Variants in FAM117B observed in about 807,000 individuals in gnomAD.
FAM117B encodes family with sequence similarity 117 member B.
Under a neutral mutation model 52.8 loss-of-function variants are expected in FAM117B, and 22 were observed. The ratio of observed to expected loss-of-function variants is 0.42; its 90% CI spans 0.30 to 0.59. FAM117B has a LOEUF of 0.59. Among genes scored for constraint, FAM117B ranks in the 20% least tolerant of loss-of-function variants. The probability of loss-of-function intolerance (pLI) is 0.22; values close to 1 mark genes in which losing one functional copy is unlikely to be tolerated. For synonymous variants in FAM117B, 309 were observed against 324.1 expected, an observed-to-expected ratio of 0.95 and a Z score of 0.50; for missense variants, 678 against 802.6, an observed-to-expected ratio of 0.84 and a Z score of 1.88.
intron 4 of FAM117B, among the ~76,000 whole-genome samples, chr2:202,744,112 CAA>C (rs1400126771): frequency 6.6e-5 from 10 of 152,188 alleles, no homozygotes; most frequent in East Asian, 1.9e-4. Context: ...ATTCCAAAAA[CAA>C]GAGAGAAGTG....
At chr2:202,755,476 G>T (rs937860095) in intron 4 of FAM117B, 62 bp from the exon 5 acceptor site, 2 of 1,567,594 alleles carry the variant, frequency 1.3e-6, no homozygotes, top group Non-Finnish European at 1.7e-6. Flanking sequence ...TTGGAATTAC[G>T]CTTCAGCCTA....
chr2:202,738,767 G>C (rs890760635), intron 4 of FAM117B, among the ~76,000 whole-genome samples: 1 of 152,178 alleles, frequency 6.6e-6, no homozygotes, highest in African/African-American at 2.4e-5. Flanking sequence ...TATTTTTATA[G>C]AGAGAGCTTT....
At chr2:202,681,180 G>C (rs1282190971) in intron 1 of FAM117B, among the ~76,000 whole-genome samples, 1 of 151,940 alleles carries the variant, frequency 6.6e-6, no homozygotes, top group Non-Finnish European at 1.5e-5. Flanking sequence ...TAAACAAAAA[G>C]TAAAAGAAAT....
intron 2 of FAM117B, among the ~76,000 whole-genome samples, chr2:202,696,961 TGGGAGGCTGA>T (rs1690720728): frequency 6.6e-6 from 1 of 152,076 alleles, no homozygotes; most frequent in Admixed American, 6.6e-5. Context: ...ACCAGCTACT[TGGGAGGCTGA>T]GGCAGGAGAA....
At chr2:202,750,386 G>T (rs958008458) in intron 4 of FAM117B, among the ~76,000 whole-genome samples, 16 of 152,274 alleles carry the variant, frequency 1.1e-4, no homozygotes, top group African/African-American at 3.6e-4. Context: ...GGTGGCATGT[G>T]CCTGTAATCC....
chr2:202,664,937 T>C (rs148696124), intron 1 of FAM117B, among the ~76,000 whole-genome samples: 1 of 152,170 alleles, frequency 6.6e-6, no homozygotes, highest in South Asian at 2.1e-4. Context: ...GGGAGGAGGC[T>C]CCACTGTGTT....
intron 6 of FAM117B, among the ~76,000 whole-genome samples, chr2:202,757,663 T>C (rs1352192785): frequency 2.6e-5 from 4 of 152,256 alleles, no homozygotes; most frequent in African/African-American, 7.2e-5. Context: ...GCTCTTTTTT[T>C]GCACTTGTTA....
chr2:202,729,053 G>T (rs543771967), intron 4 of FAM117B, among the ~76,000 whole-genome samples: 2 of 152,226 alleles, frequency 1.3e-5, no homozygotes, highest in South Asian at 4.1e-4. Context: ...TGAAACTCAC[G>T]CTGGCCGGGC....
At chr2:202,640,288 AC>A (rs1689748201) in intron 1 of FAM117B, among the ~76,000 whole-genome samples, 1 of 110,808 alleles carries the variant, frequency 9.0e-6, no homozygotes, top group Non-Finnish European at 1.8e-5. Context: ...CACCACCACC[AC>A]CACAAAATAT....
chr2:202,674,281 C>A (rs1380599871), intron 1 of FAM117B, among the ~76,000 whole-genome samples: 2 of 152,158 alleles, frequency 1.3e-5, no homozygotes, highest in African/African-American at 4.8e-5. Flanking sequence ...CTCCTGGTTG[C>A]CTAAGCCTGA....
chr2:202,715,570 C>T (rs1279898224), intron 2 of FAM117B, among the ~76,000 whole-genome samples: 2 of 151,342 alleles, frequency 1.3e-5, no homozygotes, highest in Non-Finnish European at 2.9e-5. Context: ...TGATGGTGGC[C>T]GGGAAGAGGC....
intron 4 of FAM117B, among the ~76,000 whole-genome samples, chr2:202,741,738 G>A (rs547270149): frequency 7.5e-4 from 114 of 152,018 alleles, no homozygotes; most frequent in Non-Finnish European, 1.5e-3. Context: ...GGGTTTCACC[G>A]TGTTAGCCAG....
rs548334233 is a variant in FAM117B at position 202,754,819 on chromosome 2, G to C, written c.961-719G>C. On this transcript the variant is annotated intron_variant, in intron 4 of 7. Coordinates refer to ENST00000392238, the MANE Select transcript of FAM117B (RefSeq NM_173511.4). ...GCAGAAGAGTCGCTTGAACATGGGA[G>C]GTAGAGGTTGCAGTGAGCCGAGATC... Among the ~76,000 whole-genome samples the C allele has an allele frequency of 1.5e-3, 215 of 142,816 alleles. 1 individual carries two copies. The highest frequency in any genetic ancestry group is 5.3e-3 in the African/African-American group (207 of 39,124). 93.7% of individuals were successfully genotyped at this position (142,816 alleles called of 152,430 possible). A position where few individuals can be genotyped will look rare whatever the true frequency, so the allele number is the denominator to read the frequency against.
intron 1 of FAM117B, among the ~76,000 whole-genome samples, chr2:202,657,161 C>G (rs1293710084): frequency 6.6e-6 from 1 of 152,036 alleles, no homozygotes; most frequent in African/African-American, 2.4e-5. Flanking sequence ...GATCTTGGCT[C>G]ACTGCAACCT....
chr2:202,764,929 T>A (rs575881152), intron 7 of FAM117B, among the ~76,000 whole-genome samples: 6 of 152,334 alleles, frequency 3.9e-5, no homozygotes, highest in Non-Finnish European at 7.4e-5. Context: ...AAGCCAGGCC[T>A]ACCATAGTTT....
intron 1 of FAM117B, among the ~76,000 whole-genome samples, chr2:202,691,651 G>GTGTGTGTGTGTA (rs1690626266): frequency 3.1e-5 from 1 of 32,468 alleles, no homozygotes; most frequent in Non-Finnish European, 5.1e-5. Context: ...AGTTTACATT[G>GTGTGTGTGTGTA]TGTGTGTGTG....
intron 2 of FAM117B, among the ~76,000 whole-genome samples, chr2:202,702,125 G>A (rs1222927934): frequency 1.3e-5 from 2 of 152,186 alleles, no homozygotes; most frequent in African/African-American, 4.8e-5. Flanking sequence ...GGGTGCGGTG[G>A]CTCACACCTG....
intron 4 of FAM117B, among the ~76,000 whole-genome samples, chr2:202,733,901 G>A (rs1691397879): frequency 6.6e-6 from 1 of 152,174 alleles, no homozygotes; most frequent in Non-Finnish European, 1.5e-5. Flanking sequence ...GAAATTATAA[G>A]AGTATTATTT....
chr2:202,707,949 G>C (rs1335016754), intron 2 of FAM117B, among the ~76,000 whole-genome samples: 11 of 151,320 alleles, frequency 7.3e-5, no homozygotes, highest in African/African-American at 2.7e-4. Context: ...TTGTATTTTT[G>C]GTAGAGATGG....
Sources: allele counts gnomAD v4.1 joint callset (sites outside exome capture counted in the v4.1 genomes callset), GRCh38; gene constraint gnomAD v4.1.1; transcripts MANE v1.5; gene names NCBI Gene and HGNC (gene_info 2026-07-23, HGNC 2026-07-21).